Variants in GPC5 observed in about 807,000 individuals in gnomAD.
GPC5 encodes the protein glypican-5.
A neutral mutation model predicts 53.9 loss-of-function variants in GPC5; 47 were observed. The ratio of observed to expected loss-of-function variants is 0.87; its 90% CI spans 0.69 to 1.11. GPC5 has a LOEUF of 1.11. Ranked by LOEUF, GPC5 falls within the 50% of genes most tolerant of loss-of-function variation. The probability of loss-of-function intolerance (pLI) is 0.00; values close to 1 mark genes in which losing one functional copy is unlikely to be tolerated. For missense variants in GPC5, 748 were observed against 713.1 expected (o/e 1.05, Z -0.56); for synonymous variants, 286 against 263.3 (o/e 1.09, Z -0.84).
intron 6 of GPC5, among the ~76,000 whole-genome samples, chr13:92,084,435 G>A (rs754650222): frequency 6.6e-6 from 1 of 152,182 alleles, no homozygotes; most frequent in Admixed American, 6.5e-5. Flanking sequence ...AAGAGTTGAG[G>A]CTGGTCTTGG....
intron 6 of GPC5, among the ~76,000 whole-genome samples, chr13:92,093,970 A>G (rs1438230882): frequency 6.6e-6 from 1 of 152,236 alleles, no homozygotes; most frequent in Non-Finnish European, 1.5e-5. Context: ...TTAGATGATT[A>G]TAAGTTGATT....
intron 7 of GPC5, among the ~76,000 whole-genome samples, chr13:92,649,155 A>G (rs150889444): frequency 2.2e-4 from 33 of 152,266 alleles, no homozygotes; most frequent in African/African-American, 7.0e-4. Flanking sequence ...ACTGAAAACC[A>G]CAAACATCTA....
intron 1 of GPC5, among the ~76,000 whole-genome samples, chr13:91,429,994 T>C (rs1282516160): frequency 6.6e-6 from 1 of 152,048 alleles, no homozygotes; most frequent in Admixed American, 6.6e-5. Flanking sequence ...GATAAAAGAG[T>C]GCAAGAGTCA....
intron 5 of GPC5, among the ~76,000 whole-genome samples, chr13:91,865,198 C>T (rs576802810): frequency 6.6e-5 from 10 of 152,062 alleles, no homozygotes; most frequent in African/African-American, 9.6e-5. Flanking sequence ...TGTGAGCCAC[C>T]GCACCTGGCC....
intron 5 of GPC5, among the ~76,000 whole-genome samples, chr13:91,762,993 C>A (rs866909235): frequency 7.9e-5 from 12 of 152,052 alleles, no homozygotes; most frequent in Middle Eastern, 6.8e-3. Context: ...ATTGCAGTTT[C>A]TTTTGGAATA....
intron 7 of GPC5, among the ~76,000 whole-genome samples, chr13:92,520,941 G>T (rs1375545555): frequency 6.6e-6 from 1 of 152,078 alleles, no homozygotes; most frequent in African/African-American, 2.4e-5. Flanking sequence ...ATCTCAGGAT[G>T]GAAAATCAAT....
At chr13:92,394,818 A>T (rs1028885396) in intron 7 of GPC5, among the ~76,000 whole-genome samples, 1 of 152,214 alleles carries the variant, frequency 6.6e-6, no homozygotes, top group African/African-American at 2.4e-5. Flanking sequence ...TCCATTTAAT[A>T]AATTTTAAAT....
At chr13:92,463,309 C>T (rs531525901) in intron 7 of GPC5, among the ~76,000 whole-genome samples, 3 of 152,332 alleles carry the variant, frequency 2.0e-5, no homozygotes, top group East Asian at 3.9e-4. Context: ...CAACCTGCTG[C>T]CGAGAATGCT....
intron 5 of GPC5, among the ~76,000 whole-genome samples, chr13:91,821,691 C>T (rs528296579): frequency 2.6e-5 from 4 of 152,120 alleles, no homozygotes; most frequent in Admixed American, 1.3e-4. Flanking sequence ...TATTGGAAGA[C>T]GTAATGTGAT....
intron 1 of GPC5, among the ~76,000 whole-genome samples, chr13:91,424,805 T>C (rs1869714444): frequency 6.6e-6 from 1 of 151,046 alleles, no homozygotes. Flanking sequence ...GGAGAAGAAA[T>C]TGACCCCATT....
intron 6 of GPC5, among the ~76,000 whole-genome samples, chr13:92,143,237 G>A (rs1271147183): frequency 1.3e-5 from 2 of 151,986 alleles, no homozygotes; most frequent in African/African-American, 2.4e-5. Flanking sequence ...CAGAATCCAA[G>A]CCCTTTATGA....
At chr13:92,019,681 G>C (rs2040739519) in intron 6 of GPC5, among the ~76,000 whole-genome samples, 1 of 151,964 alleles carries the variant, frequency 6.6e-6, no homozygotes. Flanking sequence ...AAATGTTTTA[G>C]GTTTATGTGG....
chr13:92,553,529 C>T (rs1309964042), intron 7 of GPC5, among the ~76,000 whole-genome samples: 1 of 151,794 alleles, frequency 6.6e-6, no homozygotes, highest in Non-Finnish European at 1.5e-5. Context: ...ATGGTAATGT[C>T]CCCAGTTTTA....
intron 5 of GPC5, among the ~76,000 whole-genome samples, chr13:91,867,138 TG>T (rs1295628372): frequency 6.6e-6 from 1 of 152,040 alleles, no homozygotes; most frequent in Admixed American, 6.6e-5. Flanking sequence ...TCACTTGAAC[TG>T]GGGAGGCAGA....
At position 91,764,321 on chromosome 13, in the gene GPC5, G is replaced by C. The variant is rs182341816; in HGVS notation, c.1280+7901G>C. 9.8e-5 allele frequency among the ~76,000 whole-genome samples: 15 copies of C among 152,324 alleles called. No homozygotes were observed. The East Asian group carries it at 2.9e-3, about 29-fold the overall frequency. On this transcript the variant is annotated intron_variant, in intron 5 of 7. Coordinates refer to ENST00000377067, the MANE Select transcript of GPC5 (RefSeq NM_004466.6). ...TGCGTGGTATATCATCTTCTGAGCT[G>C]AGACAGGTCTTCCGTATCTCTCTTT...
chr13:92,860,085 AC>A (rs1249401327), intron 7 of GPC5, among the ~76,000 whole-genome samples: 4 of 152,156 alleles, frequency 2.6e-5, no homozygotes, highest in Non-Finnish European at 5.9e-5. Context: ...ATACTATTTT[AC>A]CTTAATCTTT....
At chr13:91,807,723 C>T (rs765216594) in intron 5 of GPC5, among the ~76,000 whole-genome samples, 9 of 152,018 alleles carry the variant, frequency 5.9e-5, no homozygotes, top group East Asian at 1.9e-4. Flanking sequence ...ACGAATTGAT[C>T]GCCTAAACAA....
intron 7 of GPC5, among the ~76,000 whole-genome samples, chr13:92,423,026 A>C (rs1876651457): frequency 6.6e-6 from 1 of 152,366 alleles, no homozygotes; most frequent in Middle Eastern, 3.4e-3. Context: ...GGAGAAGCCC[A>C]AGATCAAGGT....
intron 3 of GPC5, among the ~76,000 whole-genome samples, chr13:91,703,446 T>C (rs982319859): frequency 1.3e-5 from 2 of 152,192 alleles, no homozygotes; most frequent in Admixed American, 1.3e-4. Flanking sequence ...ATTATTTTTG[T>C]CATTCATTCT....
Sources: gnomAD v4.1 joint callset for allele counts (sites outside exome capture counted in the v4.1 genomes callset) on GRCh38, gnomAD v4.1.1 for gene constraint, MANE v1.5 for transcripts, NCBI Gene and HGNC (gene_info 2026-07-23, HGNC 2026-07-21) for gene names.